The following APBB1IP variants were observed in gnomAD, a reference collection of about 807,000 sequenced individuals.
The protein encoded by APBB1IP is amyloid beta A4 precursor protein-binding family B member 1-interacting protein.
Under a neutral mutation model 64.9 loss-of-function variants are expected in APBB1IP, and 27 were observed. That is an observed-to-expected ratio of 0.42 (90% CI 0.31 to 0.57). APBB1IP has a LOEUF of 0.57. APBB1IP is among the 20% of genes least tolerant of loss of function. APBB1IP has a pLI of 0.20. For missense variants in APBB1IP, 812 were observed against 845.5 expected (o/e 0.96, Z 0.49); for synonymous variants, 392 against 331.0 (o/e 1.18, Z -2.00).
chr10:26,527,667 A>T (rs1301566216), intron 8 of APBB1IP, among the ~76,000 whole-genome samples: 1 of 143,424 alleles, frequency 7.0e-6, no homozygotes, highest in Non-Finnish European at 1.5e-5. Flanking sequence ...TTAGACTTAG[A>T]TTTAGGTAGG....
At chr10:26,510,050 A>G (rs1588594591) in intron 6 of APBB1IP, among the ~76,000 whole-genome samples, 1 of 152,190 alleles carries the variant, frequency 6.6e-6, no homozygotes, top group East Asian at 1.9e-4. Context: ...GCTCACTGCA[A>G]CCTCTGCCTC....
intron 2 of APBB1IP, among the ~76,000 whole-genome samples, chr10:26,458,346 C>A (rs1388397744): frequency 6.6e-6 from 1 of 151,862 alleles, no homozygotes; most frequent in East Asian, 1.9e-4. Context: ...CAAGATCTTG[C>A]CGTTGCACTC....
intron 5 of APBB1IP, among the ~76,000 whole-genome samples, chr10:26,502,734 C>T (rs1836121879): frequency 6.6e-6 from 1 of 152,002 alleles, no homozygotes; most frequent in South Asian, 2.1e-4. Flanking sequence ...CCCAAAAAGA[C>T]ATCCTGATCC....
At chr10:26,510,675 A>G (rs1040155675) in intron 6 of APBB1IP, among the ~76,000 whole-genome samples, 15 of 151,554 alleles carry the variant, frequency 9.9e-5, no homozygotes, top group African/African-American at 3.2e-4. Flanking sequence ...GGTTCAGGCT[A>G]CAGTAACCCA....
At chr10:26,469,778 C>A (rs1377830695) in intron 2 of APBB1IP, among the ~76,000 whole-genome samples, 1 of 152,152 alleles carries the variant, frequency 6.6e-6, no homozygotes, top group East Asian at 1.9e-4. Context: ...CTTCCCCACT[C>A]TAGTGGTCCC....
chr10:26,440,202 A>T (rs1403418378), intron 2 of APBB1IP, among the ~76,000 whole-genome samples: 5 of 152,222 alleles, frequency 3.3e-5, no homozygotes, highest in African/African-American at 1.2e-4. Flanking sequence ...CATCTAGATA[A>T]GGATGATATT....
chr10:26,518,137 T>A (rs570647293), intron 8 of APBB1IP, among the ~76,000 whole-genome samples: 17 of 152,236 alleles, frequency 1.1e-4, no homozygotes, highest in African/African-American at 3.9e-4. Context: ...GTATTTTTAG[T>A]ACAGGCAGGG....
intron 2 of APBB1IP, among the ~76,000 whole-genome samples, chr10:26,449,660 A>G (rs928484935): frequency 6.6e-6 from 1 of 152,152 alleles, no homozygotes; most frequent in South Asian, 2.1e-4. Context: ...ATTACTGCCA[A>G]TGTGATTCCA....
chr10:26,520,147 G>A (rs764214595), intron 8 of APBB1IP, among the ~76,000 whole-genome samples: 1 of 152,186 alleles, frequency 6.6e-6, no homozygotes, highest in Non-Finnish European at 1.5e-5. Flanking sequence ...ATAAAAGTGA[G>A]CTCAGCTTGC....
At chr10:26,458,377 G>A (rs950631948) in intron 2 of APBB1IP, among the ~76,000 whole-genome samples, 1 of 151,616 alleles carries the variant, frequency 6.6e-6, no homozygotes, top group East Asian at 1.9e-4. Context: ...GACCAAGCAA[G>A]ACTCTGTCGA....
chr10:26,523,830 T>C (rs1249285251), intron 8 of APBB1IP, among the ~76,000 whole-genome samples: 2 of 151,968 alleles, frequency 1.3e-5, no homozygotes, highest in Admixed American at 1.3e-4. Context: ...TAAATAAATT[T>C]CTTAAAAAAA....
intron 11 of APBB1IP, among the ~76,000 whole-genome samples, chr10:26,548,346 C>T (rs892350426): frequency 7.6e-6 from 1 of 131,856 alleles, no homozygotes; most frequent in African/African-American, 2.8e-5. Context: ...CCTCCCCCGA[C>T]CCCACAACAG....
chr10:26,555,806 C>G (rs904635571), intron 11 of APBB1IP, among the ~76,000 whole-genome samples: 2 of 152,162 alleles, frequency 1.3e-5, no homozygotes, highest in East Asian at 1.9e-4. Context: ...ACTGTGTTGC[C>G]TAGGCTGATC....
chr10:26,511,227 C>A (rs1836255101), intron 6 of APBB1IP, among the ~76,000 whole-genome samples: 1 of 151,990 alleles, frequency 6.6e-6, no homozygotes, highest in South Asian at 2.1e-4. Context: ...ACCTGTAATC[C>A]CAACTACTAG....
intron 2 of APBB1IP, among the ~76,000 whole-genome samples, chr10:26,466,765 G>A (rs1014971961): frequency 4.6e-5 from 7 of 152,020 alleles, no homozygotes; most frequent in South Asian, 2.1e-4. Context: ...GTGAGACCTC[G>A]TCCCTACAAA....
intron 7 of APBB1IP, 79 bp from the exon 8 acceptor site, chr10:26,513,460 T>G: frequency 1.3e-6 from 2 of 1,536,286 alleles, no homozygotes; most frequent in East Asian, 2.3e-5. Flanking sequence ...CATGAAGCAT[T>G]AACTCAATAA....
chr10:26,483,487 T>G (rs1835859508), intron 2 of APBB1IP, among the ~76,000 whole-genome samples: 1 of 152,204 alleles, frequency 6.6e-6, no homozygotes, highest in Non-Finnish European at 1.5e-5. Context: ...CGCTGTTATT[T>G]TTATTATTAT....
At chr10:26,478,614 C>CA (rs35115510) in intron 2 of APBB1IP, among the ~76,000 whole-genome samples, 64,628 of 124,828 alleles carry the variant, frequency 0.52, 16,908 homozygotes, top group East Asian at 0.66. Flanking sequence ...GACTCCGTCT[C>CA]AAAAAAAAAA....
chr10:26,495,348 G>C (rs1209341275), intron 3 of APBB1IP, among the ~76,000 whole-genome samples: 1 of 148,042 alleles, frequency 6.8e-6, no homozygotes, highest in Non-Finnish European at 1.5e-5. Context: ...TATGGTGGAG[G>C]AGAGTTTAAG....
Sources: allele counts gnomAD v4.1 joint callset (sites outside exome capture counted in the v4.1 genomes callset), GRCh38; gene constraint gnomAD v4.1.1; transcripts MANE v1.5; gene names NCBI Gene and HGNC (gene_info 2026-07-23, HGNC 2026-07-21).